Variants in COBL observed in about 807,000 individuals in gnomAD.
COBL encodes protein cordon-bleu.
Under a neutral mutation model 98.8 loss-of-function variants are expected in COBL, and 51 were observed. The ratio of observed to expected loss-of-function variants is 0.52; its 90% CI spans 0.41 to 0.65. The LOEUF is 0.65. Ranked by LOEUF, COBL falls within the 30% of genes least tolerant of loss-of-function variation. COBL has a pLI of 0.00. For synonymous variants in COBL, 634 were observed against 651.7 expected (o/e 0.97, Z 0.41); for missense variants, 1,617 against 1,617.5 (o/e 1.00, Z 0.01).
At chr7:51,239,052 C>A (rs1385831189) in intron 1 of COBL, among the ~76,000 whole-genome samples, 1 of 152,174 alleles carries the variant, frequency 6.6e-6, no homozygotes, top group Non-Finnish European at 1.5e-5. Flanking sequence ...AAATATGCAG[C>A]CCTTATCACT....
At chr7:51,254,049 C>A (rs11973433) in intron 1 of COBL, among the ~76,000 whole-genome samples, 1,634 of 150,270 alleles carry the variant, frequency 0.011, 24 homozygotes, top group African/African-American at 0.037. Flanking sequence ...TCCCACACAT[C>A]CTCATTCTTC....
chr7:51,025,217 T>G lies in COBL; in HGVS notation c.3660A>C (p.Pro1220=), dbSNP rs1787419567. 7.8e-7 allele frequency: 1 copy of G among 1,276,718 alleles called. No individual in the cohort carries two copies. Among genetic ancestry groups the G allele is most frequent in the African/African-American group, 1.7e-5 (1 of 57,542 alleles). 79.1% of individuals were successfully genotyped at this position (1,276,718 alleles called of 1,614,324 possible). A position where few individuals can be genotyped will look rare whatever the true frequency, so the allele number is the denominator to read the frequency against. The change falls in exon 12 of 13, where the codon CCA becomes CCC. Residue 1220 remains proline (P), a synonymous_variant. Transcript: ENST00000265136. The part of the protein sequence containing the change: ...PPPPSQALSA[P]RTASRFSTGT... Reference sequence around the variant, plus strand: ...CCGTGCTGAACCTGGAGGCCGTCCTTGGTGCAGAGAGAGCCTGGGAGGGTG... The same window carrying G: ...CCGTGCTGAACCTGGAGGCCGTCCTGGGTGCAGAGAGAGCCTGGGAGGGTG...
At chr7:51,140,015 C>CT (rs1007675166) in intron 5 of COBL, among the ~76,000 whole-genome samples, 59 of 152,214 alleles carry the variant, frequency 3.9e-4, no homozygotes, top group African/African-American at 1.2e-3. Context: ...ATATCAAGTT[C>CT]TTTTTTTGTA....
At chr7:51,285,802 A>C (rs1384083494) in intron 1 of COBL, among the ~76,000 whole-genome samples, 1 of 152,232 alleles carries the variant, frequency 6.6e-6, no homozygotes, top group African/African-American at 2.4e-5. Flanking sequence ...TTGAAAAATA[A>C]GAATGTTGGA....
chr7:51,220,245 C>T (rs1246424601), intron 1 of COBL, among the ~76,000 whole-genome samples: 6 of 152,154 alleles, frequency 3.9e-5, no homozygotes, highest in Non-Finnish European at 8.8e-5. Context: ...AGCAGGGTTT[C>T]GCCCGACCCT....
intron 1 of COBL, among the ~76,000 whole-genome samples, chr7:51,248,609 T>C (rs559073711): frequency 1.1e-4 from 17 of 152,286 alleles, no homozygotes; most frequent in African/African-American, 3.8e-4. Flanking sequence ...AGGACACAAA[T>C]GATTCTTTGG....
At chr7:51,303,601 T>G (rs550696733) in intron 1 of COBL, among the ~76,000 whole-genome samples, 4 of 152,334 alleles carry the variant, frequency 2.6e-5, no homozygotes, top group Admixed American at 2.6e-4. Context: ...CTGGTGTTCA[T>G]GAGCACCTAT....
rs79895915 is a variant in COBL at position 51,018,174 on chromosome 7, G to T, written c.3769-606C>A. ...TTGTGGTGGTGGTGGCAGTGGTAAC[G>T]GTGGTTATGGTAATCGTGGTGGTGG... is the stretch of plus-strand genomic sequence containing the variant. On this transcript the variant is annotated intron_variant, in intron 12 of 12. Transcript: ENST00000265136. Among the ~76,000 whole-genome samples the T allele has an allele frequency of 5.4e-3, 828 of 152,092 alleles. 8 individuals carry two copies. Among genetic ancestry groups the T allele is most frequent in the African/African-American group, 0.019 (770 of 41,494 alleles).
At chr7:51,061,493 G>GT (rs1362102514) in intron 7 of COBL, among the ~76,000 whole-genome samples, 3 of 152,064 alleles carry the variant, frequency 2.0e-5, no homozygotes, top group African/African-American at 7.3e-5. Flanking sequence ...TTGTGACCTT[G>GT]TTTTGTCTTT....
chr7:51,136,244 C>T lies in COBL; in HGVS notation c.871G>A (p.Val291Met). The T allele has an allele frequency of 6.2e-7, 1 of 1,613,906 alleles. No individual in the cohort carries two copies. The highest frequency in any genetic ancestry group is 2.2e-5 in the East Asian group (1 of 44,872). The change falls in exon 6 of 13, where the codon GTG (valine) becomes ATG (methionine). Residue 291 changes from valine to methionine, a missense_variant. Around this residue, in one of 3 missense-constraint regions of COBL, gnomAD observed 1,304 missense variants for 1,282.0 expected, o/e 1.02. Coordinates refer to ENST00000265136, the MANE Select transcript of COBL (RefSeq NM_015198.5). ...PSLSLGSISGVSVKSEMKKRR... is the reference protein window; with the variant it reads ...PSLSLGSISGMSVKSEMKKRR... ...TTCTTCATCTCCGACTTCACGGACA[C>T]CCCTGAGATGCTGCCCAGCGAGAGG...
chr7:51,264,409 G>A (rs925364943), intron 1 of COBL, among the ~76,000 whole-genome samples: 5 of 152,224 alleles, frequency 3.3e-5, no homozygotes, highest in Admixed American at 1.3e-4. Flanking sequence ...GGTGGCTCAC[G>A]CCTGTAATCC....
At chr7:51,218,156 G>A (rs1423054716) in intron 2 of COBL, among the ~76,000 whole-genome samples, 4 of 152,198 alleles carry the variant, frequency 2.6e-5, no homozygotes, top group Non-Finnish European at 5.9e-5. Flanking sequence ...GGTATATTCC[G>A]AGGCCTCGAG....
chr7:51,196,542 C>CTTTATTTA (rs565080405), intron 2 of COBL, among the ~76,000 whole-genome samples: 5 of 151,822 alleles, frequency 3.3e-5, no homozygotes, highest in East Asian at 1.9e-4. Context: ...AGTCCTTCCT[C>CTTTATTTA]TTTATTTATT....
chr7:51,180,540 C>G (rs1047444581), intron 5 of COBL, among the ~76,000 whole-genome samples: 2 of 152,176 alleles, frequency 1.3e-5, no homozygotes, highest in African/African-American at 4.8e-5. Flanking sequence ...TATGGCCACT[C>G]TTATTGCTGC....
chr7:51,157,077 A>G (rs1226436889), intron 5 of COBL, among the ~76,000 whole-genome samples: 1 of 152,160 alleles, frequency 6.6e-6, no homozygotes. Context: ...GAGTTTTAAC[A>G]AGGCCAGGGC....
chr7:51,300,723 C>T (rs1801868764), intron 1 of COBL, among the ~76,000 whole-genome samples: 2 of 152,276 alleles, frequency 1.3e-5, no homozygotes, highest in Admixed American at 1.3e-4. Flanking sequence ...ACTGCCAGTC[C>T]ACCTGCTAGG....
At chr7:51,224,807 G>A (rs1280208497) in intron 1 of COBL, among the ~76,000 whole-genome samples, 1 of 152,046 alleles carries the variant, frequency 6.6e-6, no homozygotes, top group Non-Finnish European at 1.5e-5. Context: ...AGGCATACCC[G>A]GCTACCAAAT....
Position 51,029,333 on chromosome 7 carries a change from T to G in COBL, c.1763A>C (p.Gln588Pro). 6.2e-7 allele frequency: 1 copy of G among 1,603,030 alleles called. No individual in the cohort carries two copies. Among genetic ancestry groups the G allele is most frequent in the Non-Finnish European group, 8.5e-7 (1 of 1,173,444 alleles). Residue 588 changes from glutamine to proline, a missense_variant, in exon 10 of 13, where the codon CAG (glutamine) becomes CCG (proline). This residue lies in a region of COBL where 1,304 missense variants were observed against 1,282.0 expected (regional missense o/e 1.02). Transcript: ENST00000265136. ...SLAPLQAEHS[Q>P]PHEKAREEVP... ...TTCCTCCCTTGCCTTTTCATGGGGC[T>G]GGCTGTGCTCAGCTTGAAGTGGCGC...
At chr7:51,204,217 T>C (rs1300993540) in intron 2 of COBL, among the ~76,000 whole-genome samples, 1 of 152,116 alleles carries the variant, frequency 6.6e-6, no homozygotes, top group African/African-American at 2.4e-5. Flanking sequence ...AGAGAAGGAA[T>C]TTACTTCAAC....
Sources: gnomAD v4.1 joint callset for allele counts (sites outside exome capture counted in the v4.1 genomes callset) on GRCh38, gnomAD v4.1.1 for gene constraint, gnomAD v4.1.1 regional missense constraint, MANE v1.5 for transcripts, NCBI Gene and HGNC (gene_info 2026-07-23, HGNC 2026-07-21) for gene names.